The following GREB1 variants were observed in gnomAD, a reference collection of about 807,000 sequenced individuals.
The protein encoded by GREB1 is protein GREB1.
A neutral mutation model predicts 200.7 loss-of-function variants in GREB1; 106 were observed. The ratio of observed to expected loss-of-function variants is 0.53; its 90% CI spans 0.45 to 0.62. The LOEUF (loss-of-function observed/expected upper bound fraction) is 0.62. GREB1 is among the 20% of genes least tolerant of loss of function. GREB1 has a pLI of 0.00. For missense variants in GREB1, 2,243 were observed against 2,556.8 expected, an observed-to-expected ratio of 0.88 and a Z score of 2.65; for synonymous variants, 1,132 against 1,092.4, an observed-to-expected ratio of 1.04 and a Z score of -0.72.
At chr2:11,583,516 A>G (rs1303852105) in intron 7 of GREB1, among the ~76,000 whole-genome samples, 2 of 150,650 alleles carry the variant, frequency 1.3e-5, no homozygotes, top group Admixed American at 1.3e-4. Context: ...TTTTTTGTTT[A>G]CTCTTGAGAG....
At chr2:11,490,740 G>C (rs180952506) in intron 1 of GREB1, among the ~76,000 whole-genome samples, 7 of 143,334 alleles carry the variant, frequency 4.9e-5, no homozygotes, top group African/African-American at 1.8e-4. Context: ...GTACAGACAG[G>C]GTTTTGCCAT....
At chr2:11,517,886 G>C (rs558426680) in intron 1 of GREB1, among the ~76,000 whole-genome samples, 3 of 151,978 alleles carry the variant, frequency 2.0e-5, no homozygotes, top group Admixed American at 6.6e-5. Flanking sequence ...ATCTCCTGAC[G>C]TCGTGATCCA....
At chr2:11,632,617 C>T (rs569724841) in intron 27 of GREB1, among the ~76,000 whole-genome samples, 32 of 152,284 alleles carry the variant, frequency 2.1e-4, no homozygotes, top group African/African-American at 7.2e-4. Flanking sequence ...GGATTATAGG[C>T]GTGAGCCACT....
chr2:11,563,567 T>G (rs963727811), intron 3 of GREB1, among the ~76,000 whole-genome samples: 4 of 152,234 alleles, frequency 2.6e-5, no homozygotes, highest in African/African-American at 9.6e-5. Context: ...GAACATCAGC[T>G]TGGGCATCAG....
intron 7 of GREB1, among the ~76,000 whole-genome samples, chr2:11,584,222 A>G (rs1372630682): frequency 6.6e-6 from 1 of 152,150 alleles, no homozygotes. Flanking sequence ...ATGTAGGGGA[A>G]ATTTTGTGTC....
At chr2:11,549,557 T>A (rs1309671651) in intron 1 of GREB1, among the ~76,000 whole-genome samples, 4 of 152,252 alleles carry the variant, frequency 2.6e-5, no homozygotes, top group Non-Finnish European at 5.9e-5. Flanking sequence ...GCTATAGTTG[T>A]CCTGTTATGC....
intron 1 of GREB1, chr2:11,540,504 T>C (rs1674648346): frequency 6.5e-6 from 1 of 153,654 alleles, no homozygotes; most frequent in Non-Finnish European, 1.5e-5. Context: ...AGCTGATGGC[T>C]CTGTAGTTCC....
chr2:11,513,539 T>G (rs1269894387), intron 1 of GREB1, among the ~76,000 whole-genome samples: 1 of 152,212 alleles, frequency 6.6e-6, no homozygotes, highest in Non-Finnish European at 1.5e-5. Context: ...CCTTCCCTGA[T>G]CTCCTTAGCT....
At chr2:11,508,974 A>C (rs1255680443) in intron 1 of GREB1, among the ~76,000 whole-genome samples, 1 of 147,922 alleles carries the variant, frequency 6.8e-6, no homozygotes, top group Non-Finnish European at 1.5e-5. Flanking sequence ...TCCCGGGTTC[A>C]CGCCATTCTC....
At chr2:11,575,342 C>T (rs532771794) in intron 4 of GREB1, among the ~76,000 whole-genome samples, 87 of 152,356 alleles carry the variant, frequency 5.7e-4, no homozygotes, top group African/African-American at 2.0e-3. Flanking sequence ...GCCCAGTCTT[C>T]ACATTTCTCA....
In GREB1 at chr2:11,503,550, G is replaced by C. The variant is rs536587696; in HGVS notation, c.-159+21169G>C. On this transcript the variant is annotated intron_variant, in intron 1 of 2. Coordinates refer to the GREB1 transcript ENST00000628795. ...AGGAGCGGAATTGCTAGGTTACGTG[G>C]TATGTGCACTTCCACTTTGTGTAGG... 1.4e-4 allele frequency among the ~76,000 whole-genome samples: 21 copies of C among 152,278 alleles called. No homozygotes were observed. In the East Asian group the frequency reaches 4.1e-3, roughly 29 times the overall value.
Position 11,576,481 on chromosome 2 carries a change from C to G in GREB1, c.583C>G (p.Arg195Gly). ...KQKHLKYYLV[R>G]NAQGTLTKGP... Reference sequence around the variant, plus strand: ...GAAACACTTGAAGTATTACCTGGTCCGTAATGCACAAGGGACTCTAACCAA... The same window carrying G: ...GAAACACTTGAAGTATTACCTGGTCGGTAATGCACAAGGGACTCTAACCAA... The change falls in exon 5 of 33, where the codon CGT becomes GGT. Residue 195 changes from arginine (R) to glycine (G), a missense_variant. By Grantham distance (125) the Arg-to-Gly change is moderately radical (BLOSUM62 -2). Around this residue, in one of 3 missense-constraint regions of GREB1, gnomAD observed 1,178 missense variants for 1,387.4 expected, o/e 0.85. Transcript: ENST00000381486. 6.2e-7 allele frequency: 1 copy of G among 1,613,968 alleles called. No homozygotes were observed. Among genetic ancestry groups the G allele is most frequent in the Middle Eastern group, 1.6e-4 (1 of 6,062 alleles).
chr2:11,630,821 T>G (rs1684817977), intron 26 of GREB1, among the ~76,000 whole-genome samples: 1 of 152,218 alleles, frequency 6.6e-6, no homozygotes, highest in South Asian at 2.1e-4. Flanking sequence ...GAGCTTTTGG[T>G]TTGACGGTGC....
chr2:11,517,050 C>T (rs1183249083), intron 1 of GREB1, among the ~76,000 whole-genome samples: 3 of 152,198 alleles, frequency 2.0e-5, no homozygotes, highest in African/African-American at 7.2e-5. Flanking sequence ...CAGTGGCTGT[C>T]TTTGCCGCTG....
intron 1 of GREB1, among the ~76,000 whole-genome samples, chr2:11,541,305 T>G (rs1445806684): frequency 2.6e-5 from 4 of 152,120 alleles, no homozygotes; most frequent in Non-Finnish European, 5.9e-5. Flanking sequence ...GTTGGGGTTT[T>G]GCTCTTATAG....
chr2:11,484,838 GTTTT>G (rs1046511779), intron 1 of GREB1, among the ~76,000 whole-genome samples: 1 of 151,904 alleles, frequency 6.6e-6, no homozygotes, highest in African/African-American at 2.4e-5. Context: ...GGTTTAAATA[GTTTT>G]TTTTGTTTGT....
intron 9 of GREB1, chr2:11,587,963 C>T (rs4669754): frequency 0.34 from 337,791 of 983,526 alleles, 58,874 homozygotes; most frequent in Admixed American, 0.45. Flanking sequence ...CGGTGGCTCA[C>T]GCCTGTAATC....
At chr2:11,635,462 C>A in intron 30 of GREB1, 57 bp downstream of exon 30, 1 of 1,553,452 alleles carries the variant, frequency 6.4e-7, no homozygotes, top group Non-Finnish European at 8.7e-7. Context: ...CGCCCTGGCA[C>A]ACACACTGAG....
chr2:11,552,946 C>G (rs891622486), intron 1 of GREB1, among the ~76,000 whole-genome samples: 1 of 147,002 alleles, frequency 6.8e-6, no homozygotes, highest in Non-Finnish European at 1.5e-5. Context: ...GGAGGCGGAG[C>G]TTGCAGTGAG....
Sources: gnomAD v4.1 joint callset for allele counts (sites outside exome capture counted in the v4.1 genomes callset) on GRCh38, gnomAD v4.1.1 for gene constraint, gnomAD v4.1.1 regional missense constraint, MANE v1.5 for transcripts, NCBI Gene and HGNC (gene_info 2026-07-23, HGNC 2026-07-21) for gene names.